The following NELL1 variants were observed in gnomAD, a reference collection of about 807,000 sequenced individuals.
The protein encoded by NELL1 is neural EGFL like 1.
In NELL1, 76 loss-of-function variants were observed where a neutral mutation model predicts 107.4. The ratio of observed to expected loss-of-function variants is 0.71; its 90% CI spans 0.59 to 0.86. The LOEUF (loss-of-function observed/expected upper bound fraction) is 0.86. Among genes scored for constraint, NELL1 ranks in the 40% least tolerant of loss-of-function variants. The pLI, the probability that NELL1 is intolerant of heterozygous loss-of-function variation, is 0.00. For synonymous variants in NELL1, 353 were observed against 341.2 expected, an observed-to-expected ratio of 1.03 and a Z score of -0.38; for missense variants, 1,024 against 1,005.5, an observed-to-expected ratio of 1.02 and a Z score of -0.25.
At chr11:20,784,599 G>C (rs539265560) in intron 3 of NELL1, among the ~76,000 whole-genome samples, 1 of 152,138 alleles carries the variant, frequency 6.6e-6, no homozygotes, top group Non-Finnish European at 1.5e-5. Context: ...AAGCTTCAAT[G>C]CCATGTTAAA....
chr11:21,276,879 T>A (rs1457374338), intron 14 of NELL1, among the ~76,000 whole-genome samples: 1 of 151,488 alleles, frequency 6.6e-6, no homozygotes, highest in Non-Finnish European at 1.5e-5. Context: ...CTTCCTTACA[T>A]CTTATACAAA....
rs757824795 is a variant in NELL1 at position 20,847,661 on chromosome 11, G to A, written c.414G>A (p.Glu138=). The change falls in exon 4 of 20, where the codon GAG becomes GAA. Residue 138 remains glutamate (E), a synonymous_variant. Coordinates refer to ENST00000357134, the MANE Select transcript of NELL1 (RefSeq NM_006157.5). ...TACACAATGGGAAGCCAAGGACAGA[G>A]GCACTTCCTTACCGCATGGCAGATG... ...HYIHNGKPRT[E]ALPYRMADGQ... 4 of 1,613,730 alleles carry A rather than the reference G, an allele frequency of 2.5e-6. No individual in the cohort carries two copies. The African/African-American group carries it at 4.0e-5, about 16-fold the overall frequency.
intron 15 of NELL1, among the ~76,000 whole-genome samples, chr11:21,460,325 T>A (rs1853868853): frequency 6.6e-6 from 1 of 152,078 alleles, no homozygotes; most frequent in African/African-American, 2.4e-5. Flanking sequence ...TAAGGTGCCC[T>A]GGGACAGAGC....
intron 15 of NELL1, among the ~76,000 whole-genome samples, chr11:21,473,824 A>G (rs1396244375): frequency 6.6e-6 from 1 of 152,102 alleles, no homozygotes; most frequent in Admixed American, 6.6e-5. Flanking sequence ...GCATAACTCC[A>G]CTACCTCTCT....
intron 14 of NELL1, among the ~76,000 whole-genome samples, chr11:21,313,382 G>T (rs1441554883): frequency 1.3e-5 from 2 of 152,092 alleles, no homozygotes; most frequent in African/African-American, 4.8e-5. Context: ...GATCTTTTAG[G>T]CTTGAGAATC....
At chr11:21,162,705 G>A (rs558670974) in intron 13 of NELL1, among the ~76,000 whole-genome samples, 6 of 152,108 alleles carry the variant, frequency 3.9e-5, no homozygotes, top group East Asian at 1.9e-4. Flanking sequence ...AATTATTGGC[G>A]GTGATGGGGC....
chr11:20,961,056 A>G (rs748197448), intron 12 of NELL1, among the ~76,000 whole-genome samples: 2 of 152,140 alleles, frequency 1.3e-5, no homozygotes, highest in African/African-American at 2.4e-5. Flanking sequence ...CCAATTCCCA[A>G]TCTCTACTAA....
rs140350264 is a variant in NELL1 at position 21,547,640 on chromosome 11, A to G, written c.1787-12549A>G. ...CAGATACTCTATCATAAGTCTATCA[A>G]TGTGATTTTCTGCACCTGTTTCTGC... On this transcript the variant is annotated intron_variant, in intron 16 of 19. Coordinates refer to ENST00000357134, the MANE Select transcript of NELL1 (RefSeq NM_006157.5). Among the ~76,000 whole-genome samples, 479 of 152,066 alleles carry G rather than the reference A, an allele frequency of 3.1e-3. 2 individuals carry two copies. Among genetic ancestry groups the G allele is most frequent in the African/African-American group, 0.01 (429 of 41,526 alleles).
chr11:20,987,902 G>A (rs1313355865), intron 12 of NELL1, among the ~76,000 whole-genome samples: 1 of 152,126 alleles, frequency 6.6e-6, no homozygotes, highest in South Asian at 2.1e-4. Context: ...AGCTCGCAGA[G>A]TATTTTGTGG....
intron 17 of NELL1, among the ~76,000 whole-genome samples, chr11:21,561,174 A>G (rs546161948): frequency 6.6e-6 from 1 of 152,030 alleles, no homozygotes; most frequent in East Asian, 2.0e-4. Flanking sequence ...TGTGCATGGG[A>G]ACCAAGATAA....
In NELL1 at chr11:21,392,994, ATT is replaced by A. The variant is rs35582724; in HGVS notation, c.1645+22058_1645+22059del. On this transcript the variant is annotated intron_variant, in intron 15 of 19. Coordinates refer to ENST00000357134, the MANE Select transcript of NELL1 (RefSeq NM_006157.5). ...TTCCACTAAAGATAGTTAAGTCAGA[ATT>A]TTTTTTTTTTTAAGCAAGAGCTATT... Among the ~76,000 whole-genome samples the A allele has an allele frequency of 4.3e-3, 642 of 149,340 alleles. 3 individuals are homozygous for A. The highest frequency in any genetic ancestry group is 0.017 in the South Asian group (79 of 4,750).
At chr11:21,168,292 G>A (rs1856527962) in intron 13 of NELL1, among the ~76,000 whole-genome samples, 1 of 151,600 alleles carries the variant, frequency 6.6e-6, no homozygotes. Context: ...TTCCACCTTT[G>A]GGTATCCGTG....
chr11:20,949,474 T>A (rs1329729988), intron 11 of NELL1, among the ~76,000 whole-genome samples: 1 of 152,182 alleles, frequency 6.6e-6, no homozygotes, highest in Non-Finnish European at 1.5e-5. Context: ...GATAGAATGG[T>A]TAGGTAGGTC....
At chr11:20,698,027 T>C (rs1854670125) in intron 2 of NELL1, among the ~76,000 whole-genome samples, 1 of 152,192 alleles carries the variant, frequency 6.6e-6, no homozygotes, top group Non-Finnish European at 1.5e-5. Context: ...TTTCTGTTGA[T>C]TGGATGAGCC....
chr11:20,851,590 A>G (rs554415619), intron 4 of NELL1, among the ~76,000 whole-genome samples: 1 of 152,194 alleles, frequency 6.6e-6, no homozygotes, highest in Non-Finnish European at 1.5e-5. Flanking sequence ...CTCAAAGGAC[A>G]GAATCCACCA....
intron 3 of NELL1, among the ~76,000 whole-genome samples, chr11:20,828,011 C>A (rs1311949585): frequency 6.6e-6 from 1 of 151,282 alleles, no homozygotes; most frequent in Non-Finnish European, 1.5e-5. Context: ...AACTTCATTT[C>A]CTTTACAACA....
chr11:21,475,496 C>G (rs562039969), intron 15 of NELL1, among the ~76,000 whole-genome samples: 2 of 152,240 alleles, frequency 1.3e-5, no homozygotes, highest in African/African-American at 4.8e-5. Flanking sequence ...TTGCTCTGGC[C>G]AATCCCCTAT....
intron 4 of NELL1, among the ~76,000 whole-genome samples, chr11:20,866,282 C>T (rs537956053): frequency 2.6e-5 from 4 of 152,238 alleles, no homozygotes; most frequent in East Asian, 1.9e-4. Flanking sequence ...GGCAGGAGAA[C>T]AGGACCTAAC....
intron 13 of NELL1, among the ~76,000 whole-genome samples, chr11:21,222,496 G>GAATACAA (rs1857784520): frequency 6.6e-6 from 1 of 151,788 alleles, no homozygotes; most frequent in Non-Finnish European, 1.5e-5. Context: ...ACACCTGGCT[G>GAATACAA]ATCTTTTGTA....
Sources: gnomAD v4.1 joint callset for allele counts (sites outside exome capture counted in the v4.1 genomes callset) on GRCh38, gnomAD v4.1.1 for gene constraint, MANE v1.5 for transcripts, NCBI Gene and HGNC (gene_info 2026-07-23, HGNC 2026-07-21) for gene names.